SATB1: variants seen among roughly 807,000 people sequenced by gnomAD.
SATB1 encodes SATB homeobox 1.
SATB1 carries 11 observed loss-of-function variants against 86.9 expected under a neutral mutation model. The ratio of observed to expected loss-of-function variants is 0.13; its 90% CI spans 0.08 to 0.21. The LOEUF (loss-of-function observed/expected upper bound fraction) is 0.21. Ranked by LOEUF, SATB1 falls within the 10% of genes least tolerant of loss-of-function variation. SATB1 has a pLI of 1.00. For missense variants in SATB1, 551 were observed against 937.6 expected, an observed-to-expected ratio of 0.59 and a Z score of 5.39; for synonymous variants, 357 against 357.2, an observed-to-expected ratio of 1.00 and a Z score of 0.01.
intron 3 of SATB1, among the ~76,000 whole-genome samples, 172 bp downstream of exon 3, chr3:18,416,730 G>C (rs1422412857): frequency 6.6e-6 from 1 of 152,064 alleles, no homozygotes; most frequent in Admixed American, 6.6e-5. Context: ...TGAGCAAAAT[G>C]TGTGTTAACT....
At position 18,420,558 on chromosome 3, in the gene SATB1, G is replaced by T; in HGVS notation, c.211+199C>A. 2 of 586,830 alleles carry T rather than the reference G, an allele frequency of 3.4e-6. 1 individual carries two copies. Among genetic ancestry groups the T allele is most frequent in the South Asian group, 4.1e-5 (2 of 48,582 alleles). 36.4% of individuals were successfully genotyped at this position (586,830 alleles called of 1,614,324 possible). ...TGTTCCATGATTCCAGTCTACAGTA[G>T]AACGCTCCACCCAAGCATGGAGGCT... On this transcript the variant is annotated intron_variant, in intron 2 of 10. Coordinates refer to ENST00000338745, the MANE Select transcript of SATB1 (RefSeq NM_002971.6).
intron 9 of SATB1, among the ~76,000 whole-genome samples, chr3:18,359,490 T>A (rs915534780): frequency 2.0e-5 from 3 of 152,058 alleles, no homozygotes; most frequent in Admixed American, 6.6e-5. Flanking sequence ...CAAAAAAAGG[T>A]CTGAATTTAT....
At chr3:18,402,095 A>T (rs1697299430) in intron 5 of SATB1, among the ~76,000 whole-genome samples, 1 of 152,166 alleles carries the variant, frequency 6.6e-6, no homozygotes, top group South Asian at 2.1e-4. Context: ...GGTTAAGGTT[A>T]CATAATGTTT....
In SATB1 at chr3:18,424,725, A is replaced by G. The variant is rs1438972160; in HGVS notation, c.-1123T>C. 1 of 152,208 alleles carries G rather than the reference A, an allele frequency of 6.6e-6. No homozygotes were observed. Among genetic ancestry groups the G allele is most frequent in the African/African-American group, 2.4e-5 (1 of 41,432 alleles). The allele number at this position is 152,208 out of a possible 1,614,324, so 9.4% of individuals were successfully genotyped here. Reference sequence around the variant, plus strand: ...TCCGAGGTAAACAACGAGCACCACAATGGCACTAGGACTTTGGGGGAAAAG... The same window carrying G: ...TCCGAGGTAAACAACGAGCACCACAGTGGCACTAGGACTTTGGGGGAAAAG... On this transcript the variant is annotated 5_prime_UTR_variant, in exon 1 of 11. Coordinates refer to ENST00000338745, the MANE Select transcript of SATB1 (RefSeq NM_002971.6).
At chr3:18,427,061 T>A (rs745405667), upstream of SATB1, among the ~76,000 whole-genome samples, 2 of 152,138 alleles carry the variant, frequency 1.3e-5, no homozygotes, top group Non-Finnish European at 2.9e-5. Flanking sequence ...AATGAACATG[T>A]GATAAACAGA....
At chr3:18,441,316 A>G (rs1314923633), upstream of SATB1, among the ~76,000 whole-genome samples, 1 of 152,196 alleles carries the variant, frequency 6.6e-6, no homozygotes, top group Non-Finnish European at 1.5e-5. Context: ...AGCATTTAAA[A>G]TAAGAACCCA....
At chr3:18,445,194 C>T (rs1699358186) in intron 1 of SATB1, 2 of 980,482 alleles carry the variant, frequency 2.0e-6, no homozygotes, top group Non-Finnish European at 2.4e-6. Flanking sequence ...GGCCCGCCTC[C>T]CCAGCGCCCG....
chr3:18,409,833 T>C (rs1697741870), intron 5 of SATB1, among the ~76,000 whole-genome samples: 1 of 152,028 alleles, frequency 6.6e-6, no homozygotes, highest in Non-Finnish European at 1.5e-5. Context: ...AGGAATCCTT[T>C]TATTTTAAAA....
In SATB1 at chr3:18,349,848, CA is replaced by C; in HGVS notation, c.1780-167del. The C allele has an allele frequency of 3.3e-6, 4 of 1,219,980 alleles. No homozygotes were observed. The highest frequency in any genetic ancestry group is 4.4e-6 in the Non-Finnish European group (4 of 908,908). The allele number at this position is 1,219,980 out of a possible 1,614,324, so 75.6% of individuals were successfully genotyped here. ...CCGGCGAAATGGCCGACAGCATTTACAAAAAAATCAAAATGATATGACTAGG... is the reference window on the plus strand; with the variant it reads ...CCGGCGAAATGGCCGACAGCATTTACAAAAAATCAAAATGATATGACTAGG... On this transcript the variant is annotated intron_variant, in intron 10 of 10. Transcript: ENST00000338745. This position sits in a 1 kb window ranked among gnomAD's most constrained non-coding sequence, Gnocchi z 5.5.
intron 9 of SATB1, among the ~76,000 whole-genome samples, chr3:18,367,139 C>T (rs930655855): frequency 1.3e-5 from 2 of 152,186 alleles, no homozygotes; most frequent in Non-Finnish European, 2.9e-5. Flanking sequence ...GGAACTGGGA[C>T]TACCACTCTT....
chr3:18,399,334 T>G (rs115008609), intron 5 of SATB1, among the ~76,000 whole-genome samples: 151 of 152,222 alleles, frequency 9.9e-4, no homozygotes, highest in Non-Finnish European at 1.6e-3. Context: ...GCACCTGTCA[T>G]CCAAAGATGG....
At chr3:18,381,688 T>A (rs865988533) in intron 8 of SATB1, among the ~76,000 whole-genome samples, 1 of 152,166 alleles carries the variant, frequency 6.6e-6, no homozygotes, top group Non-Finnish European at 1.5e-5. Flanking sequence ...ATCTAGCTCA[T>A]TAATGTCTAA....
rs1206990820 is a variant in SATB1 at position 18,347,109 on chromosome 3, C to CTAAAG, written c.*2056_*2060dup. 9.8e-6 allele frequency: 1 copy of CTAAAG among 101,626 alleles called. No homozygotes were observed. Among genetic ancestry groups the CTAAAG allele is most frequent in the East Asian group, 4.9e-4 (1 of 2,024 alleles). The allele number at this position is 101,626 out of a possible 1,614,324, so 6.3% of individuals were successfully genotyped here. On this transcript the variant is annotated 3_prime_UTR_variant, in exon 11 of 11. Transcript: ENST00000338745. ...GTTTTCAATGATTCCACTTCAGTTTCTAAAGTACAAGTTCAACACTAAAGC... is the reference window on the plus strand; with the variant it reads ...GTTTTCAATGATTCCACTTCAGTTTCTAAAGTAAAGTACAAGTTCAACACTAAAGC...
chr3:18,349,219 T>A lies in SATB1; in HGVS notation c.2243A>T (p.Glu748Val). 1 of 1,614,070 alleles carries A rather than the reference T, an allele frequency of 6.2e-7. No individual in the cohort carries two copies. Among genetic ancestry groups the A allele is most frequent in the Non-Finnish European group, 8.5e-7 (1 of 1,179,948 alleles). Reference protein sequence around the residue: ...NTLFSVKLEEELSVEGNTDIN... With the variant: ...NTLFSVKLEEVLSVEGNTDIN... ...GTCTGTGTTTCCTTCCACTGACAGCTCTTCTTCTAGTTTCACTGAAAAAAG... is the reference window on the plus strand; with the variant it reads ...GTCTGTGTTTCCTTCCACTGACAGCACTTCTTCTAGTTTCACTGAAAAAAG... Residue 748 changes from glutamate (E) to valine (V), a missense_variant, in exon 11 of 11, where the codon GAG becomes GTG. This residue lies in a region of SATB1 where 41 missense variants were observed against 38.9 expected (regional missense o/e 1.06). Transcript: ENST00000338745. This position sits in a 1 kb window ranked among gnomAD's most constrained non-coding sequence, Gnocchi z 5.5.
intron 9 of SATB1, among the ~76,000 whole-genome samples, chr3:18,367,090 T>C (rs991394893): frequency 3.3e-5 from 5 of 152,138 alleles, no homozygotes; most frequent in Non-Finnish European, 7.3e-5. Flanking sequence ...GTCTGAGAGG[T>C]TAAACGGCTT....
In SATB1 at chr3:18,413,811, T is replaced by C. The variant is rs1697987809; in HGVS notation, c.639+1300A>G. 2.0e-5 allele frequency among the ~76,000 whole-genome samples: 3 copies of C among 152,080 alleles called. No homozygotes were observed. In the South Asian group the frequency reaches 6.2e-4, roughly 31 times the overall value. ...TGTGGCTATAGCTTATTTTAGAATA[T>C]ATAGAAAGCTATTAATTATAAACAA... is the stretch of plus-strand genomic sequence containing the variant. On this transcript the variant is annotated intron_variant, in intron 5 of 10. Coordinates refer to ENST00000338745, the MANE Select transcript of SATB1 (RefSeq NM_002971.6).
At chr3:18,395,516 C>T (rs1696922117) in intron 6 of SATB1, among the ~76,000 whole-genome samples, 1 of 152,176 alleles carries the variant, frequency 6.6e-6, no homozygotes, top group Non-Finnish European at 1.5e-5. Flanking sequence ...ATATTGAACA[C>T]TTGCTGAATA....
chr3:18,373,091 T>TC lies in SATB1; in HGVS notation c.1575+5078dup, dbSNP rs750063728. Among the ~76,000 whole-genome samples the TC allele has an allele frequency of 8.5e-5, 13 of 152,278 alleles. No individual in the cohort carries two copies. The South Asian group carries it at 1.0e-3, about 12-fold the overall frequency. ...GGGTCCCAGGGAGACAGAAGCTGTATCCCCCTCAGGGTGTCCTCTACACAT... is the reference window on the plus strand; with the variant it reads ...GGGTCCCAGGGAGACAGAAGCTGTATCCCCCCTCAGGGTGTCCTCTACACAT... On this transcript the variant is annotated intron_variant, in intron 9 of 10. Coordinates refer to ENST00000338745, the MANE Select transcript of SATB1 (RefSeq NM_002971.6).
upstream of SATB1, among the ~76,000 whole-genome samples, chr3:18,443,676 C>G (rs1021358618): frequency 3.3e-5 from 5 of 152,200 alleles, no homozygotes; most frequent in African/African-American, 7.2e-5. The surrounding 1 kb of genome is among the most constrained non-coding windows in gnomAD (Gnocchi z 4.4). Flanking sequence ...CTGCTTCGTC[C>G]TTCTCGTCGT....
Sources: allele counts gnomAD v4.1 joint callset (sites outside exome capture counted in the v4.1 genomes callset), GRCh38; gene constraint gnomAD v4.1.1; regional missense constraint gnomAD v4.1.1; non-coding constraint Gnocchi (gnomAD v3.1); transcripts MANE v1.5; gene names NCBI Gene and HGNC (gene_info 2026-07-23, HGNC 2026-07-21).